NUGGC: variants seen among roughly 807,000 people sequenced by gnomAD.
The protein encoded by NUGGC is nuclear GTPase SLIP-GC.
Under a neutral mutation model 92.6 loss-of-function variants are expected in NUGGC, and 58 were observed. The observed-to-expected ratio is 0.63, with a 90% CI of 0.51 to 0.78. The LOEUF is 0.78. NUGGC is among the 30% of genes least tolerant of loss of function. The pLI, the probability that NUGGC is intolerant of heterozygous loss-of-function variation, is 0.00. For missense variants in NUGGC, 925 were observed against 964.6 expected, an observed-to-expected ratio of 0.96 and a Z score of 0.54; for synonymous variants, 376 against 366.4, an observed-to-expected ratio of 1.03 and a Z score of -0.30.
At chr8:28,068,977 G>A (rs995952169) in intron 4 of NUGGC, among the ~76,000 whole-genome samples, 3 of 152,084 alleles carry the variant, frequency 2.0e-5, no homozygotes, top group South Asian at 2.1e-4. Flanking sequence ...CACCCGCCTC[G>A]GCCTCCCAAA....
chr8:28,054,306 A>C (rs1351661965), intron 10 of NUGGC, among the ~76,000 whole-genome samples: 1 of 151,968 alleles, frequency 6.6e-6, no homozygotes, highest in African/African-American at 2.4e-5. Flanking sequence ...ACATGGTGAA[A>C]CCTCATCTCC....
chr8:28,065,307 C>T (rs1810414003), intron 6 of NUGGC, among the ~76,000 whole-genome samples: 1 of 151,950 alleles, frequency 6.6e-6, no homozygotes, highest in Non-Finnish European at 1.5e-5. Context: ...TACAGGCACC[C>T]GCAACCACGC....
At position 28,041,045 on chromosome 8, in the gene NUGGC, A is replaced by C; in HGVS notation, c.1611+6T>G. 1 of 1,595,866 alleles carries C rather than the reference A, an allele frequency of 6.3e-7. No individual in the cohort carries two copies. Among genetic ancestry groups the C allele is most frequent in the East Asian group, 2.3e-5 (1 of 43,952 alleles). ...TATCTGAGTTTTCCCTGGAAGGGTC[A>C]CTCACCACCAAGCATGCTCTGAGGA... On this transcript the variant is annotated splice_donor_region_variant and intron_variant, in intron 13 of 18. Coordinates refer to ENST00000413272, the MANE Select transcript of NUGGC (RefSeq NM_001010906.2).
intron 13 of NUGGC, among the ~76,000 whole-genome samples, chr8:28,038,216 C>G (rs1044173398): frequency 6.6e-6 from 1 of 152,190 alleles, no homozygotes; most frequent in African/African-American, 2.4e-5. Context: ...CCAGAATGCT[C>G]TCCCTTCTCT....
chr8:28,027,303 G>C lies in NUGGC; in HGVS notation c.2155-251C>G, dbSNP rs541938563. Among the ~76,000 whole-genome samples the C allele has an allele frequency of 2.0e-5, 3 of 152,286 alleles. No individual in the cohort carries two copies. In the East Asian group the frequency reaches 5.8e-4, roughly 29 times the overall value. On this transcript the variant is annotated intron_variant, in intron 17 of 18. Transcript: ENST00000413272. Reference sequence around the variant, plus strand: ...TCCCTCCCCACCTACAGGCTCGTGGGGGGCTGCAGCTCTGGTGCCAGCTGA... The same window carrying C: ...TCCCTCCCCACCTACAGGCTCGTGGCGGGCTGCAGCTCTGGTGCCAGCTGA...
chr8:28,071,608 G>A (rs943507419), intron 2 of NUGGC, among the ~76,000 whole-genome samples: 1 of 152,142 alleles, frequency 6.6e-6, no homozygotes, highest in Non-Finnish European at 1.5e-5. Flanking sequence ...ATTCACTTAA[G>A]CAGTTTCCCT....
rs1810670002 is a variant in NUGGC at position 28,074,431 on chromosome 8, G to A, written c.-21C>T. On this transcript the variant is annotated 5_prime_UTR_variant, in exon 2 of 19. Transcript: ENST00000413272. ...GCCATTCCTTGTTACGTGAACTCCT[G>A]CTCTTCTCAGTTCAGGAGAACCAGC... 14 of 1,613,134 alleles carry A rather than the reference G, an allele frequency of 8.7e-6. No homozygotes were observed. The highest frequency in any genetic ancestry group is 1.1e-5 in the Non-Finnish European group (13 of 1,179,454).
chr8:28,061,453 G>T (rs1489206084), intron 7 of NUGGC, among the ~76,000 whole-genome samples: 1 of 152,176 alleles, frequency 6.6e-6, no homozygotes, highest in Admixed American at 6.5e-5. Context: ...GAGTTTATTT[G>T]TGGTTCCTCA....
intron 17 of NUGGC, 137 bp from the exon 18 acceptor site, chr8:28,027,189 T>G (rs1809286027): frequency 5.9e-6 from 4 of 675,394 alleles, no homozygotes; most frequent in Middle Eastern, 3.5e-4. Flanking sequence ...TGCAACCCAG[T>G]TGCAAAACGG....
chr8:28,072,155 T>C (rs930959980), intron 2 of NUGGC, among the ~76,000 whole-genome samples: 3 of 152,236 alleles, frequency 2.0e-5, no homozygotes, highest in African/African-American at 7.2e-5. Flanking sequence ...TGCTCCACGC[T>C]CAAGCCACAA....
At chr8:28,043,654 C>T (rs1234692975) in intron 12 of NUGGC, among the ~76,000 whole-genome samples, 2 of 152,208 alleles carry the variant, frequency 1.3e-5, no homozygotes, top group African/African-American at 2.4e-5. Flanking sequence ...CTGAGCTCTG[C>T]ACTTCCATAT....
chr8:28,033,461 C>A, intron 14 of NUGGC, 79 bp downstream of exon 14: 1 of 1,381,692 alleles, frequency 7.2e-7, no homozygotes, highest in Non-Finnish European at 1.0e-6. Flanking sequence ...CTTACAGATC[C>A]AAAGTCTAAA....
chr8:28,032,998 T>C (rs914046631), intron 14 of NUGGC, among the ~76,000 whole-genome samples: 1 of 150,942 alleles, frequency 6.6e-6, no homozygotes, highest in African/African-American at 2.4e-5. Flanking sequence ...CTACAAAAAA[T>C]ATTTTTTAAA....
intron 12 of NUGGC, among the ~76,000 whole-genome samples, chr8:28,044,333 C>T (rs1055722687): frequency 1.4e-4 from 22 of 152,190 alleles, no homozygotes; most frequent in Admixed American, 1.0e-3. Flanking sequence ...TGAGGACAAG[C>T]AGAGGCTGTT....
intron 13 of NUGGC, among the ~76,000 whole-genome samples, chr8:28,035,167 G>C (rs971818411): frequency 3.3e-5 from 5 of 152,180 alleles, no homozygotes; most frequent in African/African-American, 4.8e-5. Context: ...TCTGCCTCAT[G>C]CCTTCGTCCT....
intron 13 of NUGGC, among the ~76,000 whole-genome samples, chr8:28,037,902 G>T (rs1332647884): frequency 6.6e-6 from 1 of 152,118 alleles, no homozygotes; most frequent in Non-Finnish European, 1.5e-5. Flanking sequence ...CAATTCACAG[G>T]ACAGCCCCTC....
In NUGGC at chr8:28,040,995, T is replaced by A. The variant is rs1809682179; in HGVS notation, c.1611+56A>T. 3 of 1,497,602 alleles carry A rather than the reference T, an allele frequency of 2.0e-6. No individual in the cohort carries two copies. The East Asian group carries it at 7.3e-5, about 37-fold the overall frequency. 92.8% of individuals were successfully genotyped at this position (1,497,602 alleles called of 1,614,324 possible). On this transcript the variant is annotated intron_variant, in intron 13 of 18. Transcript: ENST00000413272. ...GGAATGGGATGATGCAAAAGAAGCT[T>A]GGGGATCGGGCAGGCCTCCTGGAAT...
rs1235635754 is a variant in NUGGC at position 28,064,636 on chromosome 8, G to C, written c.807C>G (p.Ile269Met). 6.2e-7 allele frequency: 1 copy of C among 1,614,010 alleles called. No homozygotes were observed. Among genetic ancestry groups the C allele is most frequent in the Non-Finnish European group, 8.5e-7 (1 of 1,179,898 alleles). Residue 269 changes from isoleucine (I) to methionine (M), a missense_variant, in exon 7 of 19, where the codon ATC (isoleucine) becomes ATG (methionine). Ile to Met is a conservative substitution (Grantham distance 10). Transcript: ENST00000413272. Reference sequence around the variant, plus strand: ...TGGGAAGTGTCACTTCCACATGTTTGATCAAGGGCCAGATGCGCATCTCAG... The same window carrying C: ...TGGGAAGTGTCACTTCCACATGTTTCATCAAGGGCCAGATGCGCATCTCAG... ...EAAEMRIWPL[I>M]KHVEVTLPKS...
At chr8:28,030,914 G>A (rs1809401568) in intron 15 of NUGGC, among the ~76,000 whole-genome samples, 1 of 152,230 alleles carries the variant, frequency 6.6e-6, no homozygotes, top group South Asian at 2.1e-4. Context: ...TGATAGGTTA[G>A]TGAAAATGGT....
Sources: allele counts gnomAD v4.1 joint callset (sites outside exome capture counted in the v4.1 genomes callset), GRCh38; gene constraint gnomAD v4.1.1; transcripts MANE v1.5; gene names NCBI Gene and HGNC (gene_info 2026-07-23, HGNC 2026-07-21).